SS18L1: variants seen among roughly 807,000 people sequenced by gnomAD.
SS18L1 encodes SS18L1 subunit of BAF chromatin remodeling complex, also known as calcium-responsive transactivator.
Under a neutral mutation model 70.3 loss-of-function variants are expected in SS18L1, and 32 were observed. The ratio of observed to expected loss-of-function variants is 0.46; its 90% CI spans 0.34 to 0.61. The LOEUF is 0.61. Among genes scored for constraint, SS18L1 ranks in the 20% least tolerant of loss-of-function variants. The pLI is 0.01. For missense variants in SS18L1, 430 were observed against 542.1 expected (o/e 0.79, Z 2.05); for synonymous variants, 237 against 229.7 (o/e 1.03, Z -0.29).
chr20:62,164,718 C>T (rs968640947), intron 7 of SS18L1, among the ~76,000 whole-genome samples: 1 of 152,162 alleles, frequency 6.6e-6, no homozygotes, highest in African/African-American at 2.4e-5. Flanking sequence ...AGTCCCAGGG[C>T]TTGTGGAAGG....
intron 1 of SS18L1, among the ~76,000 whole-genome samples, chr20:62,145,686 C>T (rs1034526748): frequency 2.6e-5 from 4 of 152,210 alleles, no homozygotes; most frequent in African/African-American, 9.6e-5. Context: ...TGGGCAGAAA[C>T]TCAGCCTGCT....
intron 1 of SS18L1, chr20:62,154,231 T>G: frequency 1.4e-6 from 1 of 732,420 alleles, no homozygotes; most frequent in Non-Finnish European, 1.7e-6. Flanking sequence ...TGGGACCATG[T>G]CTGTTGAGAA....
intron 1 of SS18L1, among the ~76,000 whole-genome samples, chr20:62,144,793 C>T (rs2056993979): frequency 6.6e-6 from 1 of 152,252 alleles, no homozygotes; most frequent in Non-Finnish European, 1.5e-5. Flanking sequence ...ATTAGCCATA[C>T]CCGTTTCAGT....
intron 1 of SS18L1, among the ~76,000 whole-genome samples, chr20:62,146,567 T>C (rs971708174): frequency 2.0e-5 from 3 of 150,592 alleles, no homozygotes; most frequent in Non-Finnish European, 3.0e-5. Flanking sequence ...TGGTGTTCTC[T>C]GGCTTGTAGG....
intron 8 of SS18L1, among the ~76,000 whole-genome samples, chr20:62,167,193 C>T (rs1428655998): frequency 5.3e-5 from 8 of 150,530 alleles, no homozygotes; most frequent in East Asian, 2.1e-4. Context: ...TTACAGGCCC[C>T]GCCACCACAC....
intron 8 of SS18L1, among the ~76,000 whole-genome samples, chr20:62,169,254 C>T (rs1029255845): frequency 6.6e-6 from 1 of 152,206 alleles, no homozygotes; most frequent in African/African-American, 2.4e-5. Flanking sequence ...TGTGAAAATG[C>T]AGGCAAGAGG....
intron 9 of SS18L1, among the ~76,000 whole-genome samples, chr20:62,173,827 A>T (rs1316410262): frequency 6.6e-6 from 1 of 151,814 alleles, no homozygotes; most frequent in Non-Finnish European, 1.5e-5. Context: ...ACCAGCCTGG[A>T]TGACATAGTG....
At chr20:62,154,342 T>C (rs1316196529) in intron 1 of SS18L1, 3 of 1,048,954 alleles carry the variant, frequency 2.9e-6, no homozygotes, top group African/African-American at 1.7e-5. Context: ...TGCGTTTTCC[T>C]AACTTGCGGG....
At chr20:62,178,077 T>C (rs1030380140) in intron 10 of SS18L1, among the ~76,000 whole-genome samples, 9 of 147,582 alleles carry the variant, frequency 6.1e-5, no homozygotes, top group Non-Finnish European at 7.5e-5. Context: ...TGGAGTGCAT[T>C]GGCAGGAACA....
In SS18L1 at chr20:62,166,500, A is replaced by C. The variant is rs562786987; in HGVS notation, c.916+986A>C. ...CATCTCAGCCTGCTGTGAAGAAATA[A>C]AGCACGCAAGTGTAGGCACATATAG... On this transcript the variant is annotated intron_variant, in intron 8 of 10. Coordinates refer to ENST00000331758, the MANE Select transcript of SS18L1 (RefSeq NM_198935.3). Among the ~76,000 whole-genome samples, 4 of 152,344 alleles carry C rather than the reference A, an allele frequency of 2.6e-5. No homozygotes were observed. In the South Asian group the frequency reaches 8.3e-4, roughly 32 times the overall value.
rs1568746985 is a variant in SS18L1, at chr20:62,159,732, C to T, written c.147-145C>T. On this transcript the variant is annotated intron_variant, in intron 2 of 10. Coordinates refer to ENST00000331758, the MANE Select transcript of SS18L1 (RefSeq NM_198935.3). The surrounding 1 kb of genome is among the most constrained non-coding windows in gnomAD (Gnocchi z 4.4). ...CAGCACCCTGCCACCTGCCTGTGTC[C>T]AGCTGGGTGTCATCTGGGGTCCATG... The T allele has an allele frequency of 1.3e-6, 1 of 743,398 alleles. No individual in the cohort carries two copies. The highest frequency in any genetic ancestry group is 2.7e-5 in the Admixed American group (1 of 37,500). The allele number at this position is 743,398 out of a possible 1,614,324, so 46.1% of individuals were successfully genotyped here.
rs760007362 is a variant in SS18L1, at chr20:62,172,773, G to A, written c.1008G>A (p.Gln336=). The A allele has an allele frequency of 6.2e-7, 1 of 1,614,002 alleles. No individual in the cohort carries two copies. Among genetic ancestry groups the A allele is most frequent in the South Asian group, 1.1e-5 (1 of 91,082 alleles). Residue 336 remains glutamine (Q), a synonymous_variant, in exon 9 of 11, where the codon CAG becomes CAA. Transcript: ENST00000331758. ...CCCAGCAGCAGTACCCCAGCCAGCA[G>A]AGCTACCCCGGGCAGCAGCAGGGCT... The part of the protein sequence containing the change: ...TYSQQQYPSQ[Q]SYPGQQQGYG...
At chr20:62,154,381 G>T (rs1403363738) in intron 1 of SS18L1, 1 of 1,049,424 alleles carries the variant, frequency 9.5e-7, no homozygotes, top group East Asian at 5.4e-5. Context: ...CCCCCTTCAC[G>T]CCTGGTTGCG....
rs2057260215 is a variant in SS18L1, at chr20:62,158,331, C to T, written c.70-341C>T. Among the ~76,000 whole-genome samples, 1 of 151,670 alleles carries T rather than the reference C, an allele frequency of 6.6e-6. No homozygotes were observed. Among genetic ancestry groups the T allele is most frequent in the African/African-American group, 2.4e-5 (1 of 41,244 alleles). ...GGTGTGAATGTTCGGTCTGTGGTGG[C>T]TGAGGCAATGCACGTAACGACAGTT... On this transcript the variant is annotated intron_variant, in intron 1 of 10. Transcript: ENST00000331758. This position sits in a 1 kb window ranked among gnomAD's most constrained non-coding sequence, Gnocchi z 4.5.
chr20:62,152,069 C>T (rs1373184643), intron 1 of SS18L1, among the ~76,000 whole-genome samples: 1 of 152,058 alleles, frequency 6.6e-6, no homozygotes, highest in Non-Finnish European at 1.5e-5. Context: ...TTCACACATG[C>T]CTGTTTCCTC....
intron 1 of SS18L1, among the ~76,000 whole-genome samples, chr20:62,153,029 A>G (rs1255842551): frequency 6.6e-6 from 1 of 152,180 alleles, no homozygotes; most frequent in Non-Finnish European, 1.5e-5. Context: ...TATAAAGGAA[A>G]GAGGCTTAAT....
chr20:62,158,946 A>G lies in SS18L1; in HGVS notation c.146+198A>G. ...CCAGGAGTCCCCCAGCACGGAGGTC[A>G]GATATGTCCCGAGAGTCCCCCAGCA... On this transcript the variant is annotated intron_variant, in intron 2 of 10. Transcript: ENST00000331758. The surrounding 1 kb of genome is among the most constrained non-coding windows in gnomAD (Gnocchi z 4.5). 1 of 1,581,596 alleles carries G rather than the reference A, an allele frequency of 6.3e-7. No individual in the cohort carries two copies. Among genetic ancestry groups the G allele is most frequent in the Non-Finnish European group, 8.6e-7 (1 of 1,167,688 alleles).
At chr20:62,169,156 C>T (rs1299472248) in intron 8 of SS18L1, among the ~76,000 whole-genome samples, 1 of 152,214 alleles carries the variant, frequency 6.6e-6, no homozygotes, top group Non-Finnish European at 1.5e-5. Flanking sequence ...CCCCTCGTGA[C>T]CTGGCATCTG....
chr20:62,149,289 C>T (rs1466400579), intron 1 of SS18L1, among the ~76,000 whole-genome samples: 1 of 152,228 alleles, frequency 6.6e-6, no homozygotes, highest in Non-Finnish European at 1.5e-5. Context: ...CCGCCTGGTT[C>T]GGGCAGGCAC....
Sources: gnomAD v4.1 joint callset for allele counts (sites outside exome capture counted in the v4.1 genomes callset) on GRCh38, gnomAD v4.1.1 for gene constraint, Gnocchi (gnomAD v3.1) non-coding constraint, MANE v1.5 for transcripts, NCBI Gene and HGNC (gene_info 2026-07-23, HGNC 2026-07-21) for gene names.